The following NPEPL1 variants were observed in gnomAD, a reference collection of about 807,000 sequenced individuals.
NPEPL1 encodes probable aminopeptidase NPEPL1.
NPEPL1 carries 45 observed loss-of-function variants against 52.4 expected under a neutral mutation model. The ratio of observed to expected loss-of-function variants is 0.86; its 90% CI spans 0.68 to 1.10. The LOEUF is 1.10. Among genes scored for constraint, NPEPL1 ranks in the 50% least tolerant of loss-of-function variants. The probability of loss-of-function intolerance (pLI) is 0.00; values close to 1 mark genes in which losing one functional copy is unlikely to be tolerated. For missense variants in NPEPL1, 696 were observed against 710.9 expected, an observed-to-expected ratio of 0.98 and a Z score of 0.24; for synonymous variants, 360 against 314.7, an observed-to-expected ratio of 1.14 and a Z score of -1.52.
At chr20:58,702,706 G>GTCT (rs1326986431) in intron 6 of NPEPL1, among the ~76,000 whole-genome samples, 1 of 152,126 alleles carries the variant, frequency 6.6e-6, no homozygotes, top group Admixed American at 6.6e-5. Context: ...GTTGCCAGCT[G>GTCT]TCTTCACTCA....
chr20:58,706,454 G>A (rs746850905), intron 6 of NPEPL1, among the ~76,000 whole-genome samples: 1 of 152,188 alleles, frequency 6.6e-6, no homozygotes, highest in Non-Finnish European at 1.5e-5. Flanking sequence ...CCCTCTAAGT[G>A]CCAGGGAGAG....
rs2084887499 is a variant in NPEPL1, at chr20:58,713,123, GC to G, written c.1002-295del. The G allele has an allele frequency of 5.0e-6, 2 of 401,146 alleles. No individual in the cohort carries two copies. Among genetic ancestry groups the G allele is most frequent in the Non-Finnish European group, 9.2e-6 (2 of 216,408 alleles). The allele number at this position is 401,146 out of a possible 1,614,324, so 24.8% of individuals were successfully genotyped here. On this transcript the variant is annotated intron_variant, in intron 8 of 11. Transcript: ENST00000356091. This position sits in a 1 kb window ranked among gnomAD's most constrained non-coding sequence, Gnocchi z 4.6. Reference sequence around the variant, plus strand: ...GCACAGTGTGCTGAAGGCCAGCCCAGCCGGTTCATGCCACCCACTTTACAGA... The same window carrying G: ...GCACAGTGTGCTGAAGGCCAGCCCAGCGGTTCATGCCACCCACTTTACAGA...
upstream of NPEPL1, chr20:58,690,965 A>G (rs922033865): frequency 3.0e-5 from 17 of 572,946 alleles, no homozygotes; most frequent in Admixed American, 2.0e-4. Context: ...ATTTTCCAGG[A>G]ACCTTCTGTT....
At position 58,713,698 on chromosome 20, in the gene NPEPL1, G is replaced by A; in HGVS notation, c.1125+155G>A. On this transcript the variant is annotated intron_variant, in intron 9 of 11. Coordinates refer to ENST00000356091, the MANE Select transcript of NPEPL1 (RefSeq NM_024663.4). This position sits in a 1 kb window ranked among gnomAD's most constrained non-coding sequence, Gnocchi z 4.6. ...CAGGAGGAGCTGCCCGTCAAGCTTG[G>A]TGTGGGCAGTACCGAGGCCCAGGCT... 2 of 1,197,826 alleles carry A rather than the reference G, an allele frequency of 1.7e-6. No individual in the cohort carries two copies. The highest frequency in any genetic ancestry group is 1.1e-6 in the Non-Finnish European group (1 of 885,688). 74.2% of individuals were successfully genotyped at this position (1,197,826 alleles called of 1,614,324 possible).
intron 7 of NPEPL1, among the ~76,000 whole-genome samples, chr20:58,707,928 A>G (rs1224672219): frequency 1.3e-5 from 2 of 152,180 alleles, no homozygotes; most frequent in Non-Finnish European, 2.9e-5. Flanking sequence ...AAAAAAATTT[A>G]AAAACTAGCC....
chr20:58,708,911 T>C lies in NPEPL1; in HGVS notation c.900+1711T>C, dbSNP rs2123136571. On this transcript the variant is annotated intron_variant, in intron 7 of 11. Coordinates refer to ENST00000356091, the MANE Select transcript of NPEPL1 (RefSeq NM_024663.4). The stretch of plus-strand genomic sequence containing the variant: ...TGGAGGAGCCGTGTGGCCAGCCCTC[T>C]GTGGCCGTCTTTGCCGTTCACCCCT... Among the ~76,000 whole-genome samples the C allele has an allele frequency of 3.3e-5, 5 of 151,924 alleles. No individual in the cohort carries two copies. The East Asian group carries it at 9.7e-4, about 29-fold the overall frequency.
intron 7 of NPEPL1, among the ~76,000 whole-genome samples, chr20:58,708,567 G>A (rs967057907): frequency 1.3e-4 from 20 of 152,342 alleles, no homozygotes; most frequent in Admixed American, 1.0e-3. Flanking sequence ...AGAGCCTGTC[G>A]GAAGAGGCTG....
intron 10 of NPEPL1, 90 bp downstream of exon 10, chr20:58,714,183 A>T: frequency 6.9e-7 from 1 of 1,439,692 alleles, no homozygotes; most frequent in Non-Finnish European, 9.2e-7. Context: ...GCACCCAGGG[A>T]GCTGGGGCCC....
At chr20:58,696,673 C>T (rs962489635) in intron 3 of NPEPL1, among the ~76,000 whole-genome samples, 1 of 152,254 alleles carries the variant, frequency 6.6e-6, no homozygotes, top group Non-Finnish European at 1.5e-5. Flanking sequence ...CCACAGATGG[C>T]CTCCTTCCAG....
At chr20:58,694,838 T>G (rs986256986) in intron 3 of NPEPL1, among the ~76,000 whole-genome samples, 24 of 152,354 alleles carry the variant, frequency 1.6e-4, no homozygotes, top group South Asian at 4.1e-4. Context: ...ACGTAATCAG[T>G]GCCAGGAACG....
chr20:58,709,223 G>A (rs536646112), intron 7 of NPEPL1, among the ~76,000 whole-genome samples: 79 of 151,966 alleles, frequency 5.2e-4, no homozygotes, highest in African/African-American at 1.9e-3. Flanking sequence ...CCAGCCTGGA[G>A]GCTCCACTGT....
Position 58,712,434 on chromosome 20 carries a change from A to C in NPEPL1, c.901-45A>C, listed in dbSNP as rs769142901. The C allele has an allele frequency of 2.9e-6, 4 of 1,376,544 alleles. No individual in the cohort carries two copies. In the Admixed American group the frequency reaches 5.1e-5, roughly 17 times the overall value. 85.3% of individuals were successfully genotyped at this position (1,376,544 alleles called of 1,614,324 possible). ...CCCAGCTCGTCCTCCCCCCTCCCCA[A>C]ACCTATGACCTACAACTGGAGCCTC... On this transcript the variant is annotated intron_variant, in intron 7 of 11. Coordinates refer to ENST00000356091, the MANE Select transcript of NPEPL1 (RefSeq NM_024663.4).
At chr20:58,698,920 C>A in intron 4 of NPEPL1, 147 bp downstream of exon 4, 1 of 723,740 alleles carries the variant, frequency 1.4e-6, no homozygotes, top group South Asian at 1.8e-5. Context: ...CTGCTGTCTG[C>A]CGGGCTCCAG....
chr20:58,714,949 C>T (rs2084924152), intron 11 of NPEPL1: 3 of 629,096 alleles, frequency 4.8e-6, no homozygotes, highest in East Asian at 2.8e-5. Context: ...AGGCAGAGCA[C>T]ACAGGGCCTT....
chr20:58,706,397 G>A (rs1221072684), intron 6 of NPEPL1, among the ~76,000 whole-genome samples: 4 of 152,220 alleles, frequency 2.6e-5, no homozygotes, highest in Non-Finnish European at 5.9e-5. Context: ...TCAAGGTTGT[G>A]ATGAGGGGCA....
chr20:58,713,993 G>T lies in NPEPL1; in HGVS notation c.1202G>T (p.Gly401Val). The T allele has an allele frequency of 1.3e-6, 2 of 1,525,172 alleles. No individual in the cohort carries two copies. The highest frequency in any genetic ancestry group is 8.8e-7 in the Non-Finnish European group (1 of 1,139,468). 94.5% of individuals were successfully genotyped at this position (1,525,172 alleles called of 1,614,324 possible). A position where few individuals can be genotyped will look rare whatever the true frequency, so the allele number is the denominator to read the frequency against. The change falls in exon 10 of 12, where the codon GGC (glycine) becomes GTC (valine). Residue 401 changes from glycine (G) to valine (V), a missense_variant. Transcript: ENST00000356091. The surrounding 1 kb of genome is among the most constrained non-coding windows in gnomAD (Gnocchi z 4.6). ...AEWEAACVKAGRKCGDLVHPL... is the reference protein window; with the variant it reads ...AEWEAACVKAVRKCGDLVHPL... Reference sequence around the variant, plus strand: ...TGGGAGGCCGCCTGTGTGAAGGCGGGCAGGAAGTGTGGGGACCTGGTGCAC... The same window carrying T: ...TGGGAGGCCGCCTGTGTGAAGGCGGTCAGGAAGTGTGGGGACCTGGTGCAC...
At chr20:58,703,027 G>A (rs116732751) in intron 6 of NPEPL1, among the ~76,000 whole-genome samples, 173 of 152,284 alleles carry the variant, frequency 1.1e-3, no homozygotes, top group African/African-American at 3.9e-3. Context: ...TGACCATCCC[G>A]CACTCTCGTG....
rs1468672974 is a variant in NPEPL1, at chr20:58,692,870, G to C, written c.-31G>C. 4 of 1,012,322 alleles carry C rather than the reference G, an allele frequency of 4.0e-6. No individual in the cohort carries two copies. Among genetic ancestry groups the C allele is most frequent in the Non-Finnish European group, 4.7e-6 (4 of 847,624 alleles). The allele number at this position is 1,012,322 out of a possible 1,614,324, so 62.7% of individuals were successfully genotyped here. A position where few individuals can be genotyped will look rare whatever the true frequency, so the allele number is the denominator to read the frequency against. ...GCCGAGCGGCGGGCCGGGCCGGGCC[G>C]GGCAGGGCCGGGGCGTGGGCCGGCA... On this transcript the variant is annotated 5_prime_UTR_variant, in exon 1 of 12. Coordinates refer to ENST00000356091, the MANE Select transcript of NPEPL1 (RefSeq NM_024663.4). This position sits in a 1 kb window ranked among gnomAD's most constrained non-coding sequence, Gnocchi z 5.7.
At chr20:58,709,341 A>G (rs1410825777) in intron 7 of NPEPL1, among the ~76,000 whole-genome samples, 1 of 152,220 alleles carries the variant, frequency 6.6e-6, no homozygotes, top group African/African-American at 2.4e-5. Flanking sequence ...GCATTTACCC[A>G]GAGAATAAAA....
Sources: gnomAD v4.1 joint callset for allele counts (sites outside exome capture counted in the v4.1 genomes callset) on GRCh38, gnomAD v4.1.1 for gene constraint, Gnocchi (gnomAD v3.1) non-coding constraint, MANE v1.5 for transcripts, NCBI Gene and HGNC (gene_info 2026-07-23, HGNC 2026-07-21) for gene names.